Variants in NCKAP5 observed in about 807,000 individuals in gnomAD.
NCKAP5 encodes nck-associated protein 5.
A neutral mutation model predicts 167.0 loss-of-function variants in NCKAP5; 92 were observed. The observed-to-expected ratio is 0.55, with a 90% confidence interval of 0.47 to 0.66. The LOEUF is 0.66. NCKAP5 is among the 30% of genes least tolerant of loss of function. The pLI is 0.00. For missense variants in NCKAP5, 2,378 were observed against 2,315.0 expected (o/e 1.03, Z -0.56); for synonymous variants, 891 against 877.4 (o/e 1.02, Z -0.27).
At chr2:132,690,875 C>T (rs1220219118) in intron 19 of NCKAP5, among the ~76,000 whole-genome samples, 3 of 152,134 alleles carry the variant, frequency 2.0e-5, no homozygotes, top group Non-Finnish European at 4.4e-5. Flanking sequence ...CCATGTGCCC[C>T]TTCCCATCCA....
intron 13 of NCKAP5, among the ~76,000 whole-genome samples, chr2:132,788,962 G>A (rs1410257732): frequency 6.6e-6 from 1 of 152,140 alleles, no homozygotes; most frequent in African/African-American, 2.4e-5. Flanking sequence ...TTCACTGTGA[G>A]ATATGACAGG....
At chr2:133,374,221 T>A (rs1467221607) in intron 3 of NCKAP5, among the ~76,000 whole-genome samples, 2 of 152,220 alleles carry the variant, frequency 1.3e-5, no homozygotes, top group Non-Finnish European at 2.9e-5. Flanking sequence ...TAGAGGAACC[T>A]TAAATGCATA....
At chr2:132,894,303 G>A (rs1004746578) in intron 8 of NCKAP5, among the ~76,000 whole-genome samples, 2 of 152,238 alleles carry the variant, frequency 1.3e-5, no homozygotes, top group African/African-American at 4.8e-5. Context: ...ATGAGAAGGA[G>A]AGCCAAAGAC....
Position 132,782,540 on chromosome 2 carries a change from G to C in NCKAP5, c.4271C>G (p.Ala1424Gly). ...CPPTPTDCPE[A>G]LQSPGRTQHP... ...CTGAGTCCTCCCTGGGCTCTGCAGG[G>C]CTTCAGGGCAGTCTGTTGGGGTGGG... is the stretch of plus-strand genomic sequence containing the variant. Residue 1424 changes from alanine (A) to glycine (G), a missense_variant, in exon 14 of 20, where the codon GCC becomes GGC. Physicochemically the swap from Ala to Gly is moderately conservative, Grantham distance 60. Coordinates refer to ENST00000409261, the MANE Select transcript of NCKAP5 (RefSeq NM_207363.3). The C allele has an allele frequency of 6.3e-7, 1 of 1,591,894 alleles. No homozygotes were observed. The highest frequency in any genetic ancestry group is 8.5e-7 in the Non-Finnish European group (1 of 1,169,602).
chr2:133,533,353 T>G (rs1685512585), intron 2 of NCKAP5, among the ~76,000 whole-genome samples: 1 of 152,244 alleles, frequency 6.6e-6, no homozygotes, highest in African/African-American at 2.4e-5. Flanking sequence ...TCTCAATGTT[T>G]GAAGATTAGT....
chr2:133,343,755 C>A (rs1015995849), intron 3 of NCKAP5, among the ~76,000 whole-genome samples: 35 of 152,314 alleles, frequency 2.3e-4, no homozygotes, highest in Admixed American at 8.5e-4. Flanking sequence ...GGGAGTCAGA[C>A]CCAAACATAC....
intron 6 of NCKAP5, among the ~76,000 whole-genome samples, chr2:133,065,238 T>C (rs560568802): frequency 3.3e-5 from 5 of 152,282 alleles, no homozygotes; most frequent in Admixed American, 2.0e-4. Context: ...CGACGACAAC[T>C]ATGATTCTAA....
At chr2:133,012,895 C>T (rs1455236736) in intron 6 of NCKAP5, among the ~76,000 whole-genome samples, 1 of 152,176 alleles carries the variant, frequency 6.6e-6, no homozygotes, top group African/African-American at 2.4e-5. Flanking sequence ...ATGGGCCCCA[C>T]CAGCACCTTG....
intron 3 of NCKAP5, among the ~76,000 whole-genome samples, chr2:133,306,226 C>T (rs1419129953): frequency 2.0e-5 from 3 of 152,198 alleles, no homozygotes; most frequent in Non-Finnish European, 2.9e-5. Context: ...GCTGCAAGAG[C>T]TTTGGGAGCA....
chr2:133,286,876 A>G (rs1030909973), intron 4 of NCKAP5, among the ~76,000 whole-genome samples: 3 of 152,234 alleles, frequency 2.0e-5, no homozygotes, highest in Non-Finnish European at 4.4e-5. Flanking sequence ...GGGAGATGTT[A>G]TAAGTGGAGC....
chr2:133,182,590 T>C (rs1161019797), intron 5 of NCKAP5, among the ~76,000 whole-genome samples: 1 of 152,168 alleles, frequency 6.6e-6, no homozygotes, highest in Non-Finnish European at 1.5e-5. Context: ...AATGAATATA[T>C]GACATATCAG....
chr2:133,021,522 A>C (rs2078526858), intron 6 of NCKAP5, among the ~76,000 whole-genome samples: 1 of 152,294 alleles, frequency 6.6e-6, no homozygotes, highest in Admixed American at 6.5e-5. Context: ...ATAAGTGCAT[A>C]CACATCTACT....
intron 16 of NCKAP5, among the ~76,000 whole-genome samples, chr2:132,755,486 T>C (rs1314676152): frequency 6.6e-6 from 1 of 152,166 alleles, no homozygotes; most frequent in Admixed American, 6.5e-5. Flanking sequence ...GACTTCTGCA[T>C]CATTCAGAAA....
At chr2:132,821,562 C>T (rs1686735112) in intron 11 of NCKAP5, among the ~76,000 whole-genome samples, 1 of 152,168 alleles carries the variant, frequency 6.6e-6, no homozygotes, top group African/African-American at 2.4e-5. Flanking sequence ...CCAGCAGGAG[C>T]TGTTGTGGAT....
intron 6 of NCKAP5, among the ~76,000 whole-genome samples, chr2:132,998,336 G>C (rs976907041): frequency 8.5e-5 from 13 of 152,144 alleles, no homozygotes; most frequent in Non-Finnish European, 1.9e-4. Flanking sequence ...AGGAAAAAGT[G>C]GGGGTGGACA....
intron 8 of NCKAP5, among the ~76,000 whole-genome samples, chr2:132,961,338 A>G (rs1195100217): frequency 7.7e-6 from 1 of 130,000 alleles, no homozygotes; most frequent in Non-Finnish European, 1.6e-5. Flanking sequence ...ATATTTATAT[A>G]TATTTACAAA....
intron 5 of NCKAP5, among the ~76,000 whole-genome samples, chr2:133,189,491 T>A (rs2085110023): frequency 6.6e-6 from 1 of 151,988 alleles, no homozygotes; most frequent in South Asian, 2.1e-4. Context: ...AAAAAGAGAA[T>A]TTTAGACCAA....
At chr2:132,748,229 C>A (rs1283434014) in intron 16 of NCKAP5, among the ~76,000 whole-genome samples, 2 of 152,158 alleles carry the variant, frequency 1.3e-5, no homozygotes, top group South Asian at 2.1e-4. Flanking sequence ...TCTCTGTGTG[C>A]CTTTCTCTAT....
rs773713903 is a variant in NCKAP5 at position 132,781,252 on chromosome 2, C to A, written c.4872-23G>T. Reference sequence around the variant, plus strand: ...ACTCTGCAGGTAGAAAGTGATTCCTCTGATAAGTTACCTTGCTCCTTCTTC... The same window carrying A: ...ACTCTGCAGGTAGAAAGTGATTCCTATGATAAGTTACCTTGCTCCTTCTTC... On this transcript the variant is annotated intron_variant, in intron 14 of 19. Coordinates refer to ENST00000409261, the MANE Select transcript of NCKAP5 (RefSeq NM_207363.3). The A allele has an allele frequency of 4.4e-6, 7 of 1,604,252 alleles. No homozygotes were observed. In the South Asian group the frequency reaches 7.9e-5, roughly 18 times the overall value.
Sources: allele counts gnomAD v4.1 joint callset (sites outside exome capture counted in the v4.1 genomes callset), GRCh38; gene constraint gnomAD v4.1.1; transcripts MANE v1.5; gene names NCBI Gene and HGNC (gene_info 2026-07-23, HGNC 2026-07-21).